Variants in PLEKHG1 observed in about 807,000 individuals in gnomAD.
PLEKHG1 encodes the protein pleckstrin homology domain-containing family G member 1.
In PLEKHG1, 44 loss-of-function variants were observed where a neutral mutation model predicts 100.8. The ratio of observed to expected loss-of-function variants is 0.44; its 90% CI spans 0.34 to 0.56. The LOEUF (loss-of-function observed/expected upper bound fraction) is 0.56. Ranked by LOEUF, PLEKHG1 falls within the 20% of genes least tolerant of loss-of-function variation. The pLI, the probability that PLEKHG1 is intolerant of heterozygous loss-of-function variation, is 0.01. For synonymous variants in PLEKHG1, 640 were observed against 662.5 expected (o/e 0.97, Z 0.52); for missense variants, 1,545 against 1,720.9 (o/e 0.90, Z 1.81).
At chr6:150,734,868 T>C (rs1035449605) in intron 2 of PLEKHG1, among the ~76,000 whole-genome samples, 2 of 152,184 alleles carry the variant, frequency 1.3e-5, no homozygotes, top group African/African-American at 2.4e-5. Flanking sequence ...AATTCAATTA[T>C]TCGATTTTGA....
chr6:150,838,811 G>A (rs1777363587), intron 15 of PLEKHG1, among the ~76,000 whole-genome samples: 1 of 152,200 alleles, frequency 6.6e-6, no homozygotes, highest in Admixed American at 6.5e-5. Flanking sequence ...AGATTATTGA[G>A]TACATGCACA....
At chr6:150,601,128 TTGTC>T (rs1306320226) in intron 1 of PLEKHG1, among the ~76,000 whole-genome samples, 1 of 152,156 alleles carries the variant, frequency 6.6e-6, no homozygotes, top group Non-Finnish European at 1.5e-5. Flanking sequence ...AGGGTCCAGT[TTGTC>T]ATCTAACAGA....
intron 3 of PLEKHG1, among the ~76,000 whole-genome samples, chr6:150,676,510 T>A (rs189899122): frequency 6.6e-6 from 1 of 152,178 alleles, no homozygotes; most frequent in East Asian, 1.9e-4. Context: ...TGACAGTATA[T>A]AATAAGGATG....
intron 1 of PLEKHG1, among the ~76,000 whole-genome samples, chr6:150,732,416 G>T (rs1782317098): frequency 6.6e-6 from 1 of 152,190 alleles, no homozygotes; most frequent in South Asian, 2.1e-4. Flanking sequence ...TGTGTTGAGA[G>T]GATAAGTTTT....
intron 2 of PLEKHG1, among the ~76,000 whole-genome samples, chr6:150,760,743 A>T (rs1338605079): frequency 1.3e-5 from 2 of 152,044 alleles, no homozygotes; most frequent in Non-Finnish European, 2.9e-5. Context: ...TCAGTATGCA[A>T]CAGGACTTCA....
chr6:150,769,821 C>T (rs1262151194), intron 3 of PLEKHG1, among the ~76,000 whole-genome samples: 1 of 152,082 alleles, frequency 6.6e-6, no homozygotes, highest in Non-Finnish European at 1.5e-5. Context: ...ACCTTACCTC[C>T]TCCACTTTTC....
At chr6:150,806,306 G>A (rs543105781) in intron 7 of PLEKHG1, among the ~76,000 whole-genome samples, 107 of 147,450 alleles carry the variant, frequency 7.3e-4, no homozygotes, top group African/African-American at 2.6e-3. Context: ...CATAATGTCG[G>A]AATCTATTGA....
Position 150,623,357 on chromosome 6 carries a change from A to G in PLEKHG1, c.-203-14723A>G, listed in dbSNP as rs568002766. 3.9e-5 allele frequency among the ~76,000 whole-genome samples: 6 copies of G among 152,266 alleles called. No homozygotes were observed. The East Asian group carries it at 1.2e-3, about 29-fold the overall frequency. ...GGGTTCTTCAGTAGTGTTTTATGAG[A>G]AGGTAGCACCTGCGTCCTCCATCAG... On this transcript the variant is annotated intron_variant, in intron 1 of 3. Coordinates refer to the PLEKHG1 transcript ENST00000367326.
intron 6 of PLEKHG1, among the ~76,000 whole-genome samples, chr6:150,803,677 G>A (rs1475115201): frequency 6.6e-5 from 10 of 152,170 alleles, no homozygotes. Context: ...CTCAAGGATT[G>A]TCTTTAGTCA....
At chr6:150,805,614 G>A (rs976253846) in intron 7 of PLEKHG1, among the ~76,000 whole-genome samples, 5 of 151,730 alleles carry the variant, frequency 3.3e-5, no homozygotes, top group East Asian at 1.9e-4. Flanking sequence ...GGCAACCTTC[G>A]GCTCCCGGGT....
chr6:150,840,836 A>G (rs200347900), exon 16 of PLEKHG1: 1 of 1,614,130 alleles, frequency 6.2e-7, no homozygotes, highest in Non-Finnish European at 8.5e-7. Flanking sequence ...CCAATCAACA[A>G]AATATTGTCC....
intron 15 of PLEKHG1, among the ~76,000 whole-genome samples, chr6:150,832,669 T>A (rs1415406916): frequency 7.2e-6 from 1 of 138,256 alleles, no homozygotes; most frequent in African/African-American, 2.7e-5. Context: ...AAAAGAGGGG[T>A]TTTTTTGCAT....
intron 2 of PLEKHG1, among the ~76,000 whole-genome samples, chr6:150,760,933 A>G (rs1784120610): frequency 6.6e-6 from 1 of 152,050 alleles, no homozygotes; most frequent in Non-Finnish European, 1.5e-5. Context: ...TAATTGTTAT[A>G]CCGAAAGGTA....
At chr6:150,807,295 C>G (rs781434445) in intron 7 of PLEKHG1, among the ~76,000 whole-genome samples, 1 of 152,140 alleles carries the variant, frequency 6.6e-6, no homozygotes, top group Non-Finnish European at 1.5e-5. Flanking sequence ...TGGAACATAT[C>G]CCCTGCAGAT....
At chr6:150,802,763 C>T (rs1463631419) in intron 6 of PLEKHG1, among the ~76,000 whole-genome samples, 5 of 151,020 alleles carry the variant, frequency 3.3e-5, no homozygotes, top group Admixed American at 2.0e-4. Context: ...CGGGTTCAAG[C>T]GATTCTCCTG....
intron 3 of PLEKHG1, among the ~76,000 whole-genome samples, chr6:150,782,418 G>T (rs1006678190): frequency 3.9e-5 from 6 of 151,964 alleles, no homozygotes; most frequent in African/African-American, 1.2e-4. Flanking sequence ...ATAAAATAAA[G>T]TACCAGTATA....
intron 2 of PLEKHG1, among the ~76,000 whole-genome samples, chr6:150,748,544 A>G (rs1321361687): frequency 1.3e-5 from 2 of 151,894 alleles, no homozygotes; most frequent in Non-Finnish European, 2.9e-5. Flanking sequence ...ACACAAGGAA[A>G]TGGAGATCCA....
intron 14 of PLEKHG1, chr6:150,828,212 T>A: frequency 6.2e-7 from 1 of 1,613,808 alleles, no homozygotes; most frequent in Non-Finnish European, 8.5e-7. Context: ...GTCCTCTGAG[T>A]GTTTGGCGGC....
At chr6:150,631,815 T>C (rs1172407992) in intron 1 of PLEKHG1, among the ~76,000 whole-genome samples, 1 of 152,032 alleles carries the variant, frequency 6.6e-6, no homozygotes, top group Non-Finnish European at 1.5e-5. Flanking sequence ...GAAGAGGATG[T>C]GGGCTAGTGG....
Sources: allele counts gnomAD v4.1 joint callset (sites outside exome capture counted in the v4.1 genomes callset), GRCh38; gene constraint gnomAD v4.1.1; transcripts MANE v1.5; gene names NCBI Gene and HGNC (gene_info 2026-07-23, HGNC 2026-07-21).